ST7: variants seen among roughly 807,000 people sequenced by gnomAD.
ST7 encodes suppression of tumorigenicity 7.
In ST7, 28 loss-of-function variants were observed where a neutral mutation model predicts 78.7. The ratio of observed to expected loss-of-function variants is 0.36; its 90% CI spans 0.26 to 0.49. The LOEUF is 0.49. Ranked by LOEUF, ST7 falls within the 20% of genes least tolerant of loss-of-function variation. ST7 has a pLI of 0.99. For synonymous variants in ST7, 247 were observed against 249.6 expected, an observed-to-expected ratio of 0.99 and a Z score of 0.10; for missense variants, 418 against 696.0, an observed-to-expected ratio of 0.60 and a Z score of 4.49.
At chr7:117,020,977 T>A (rs927123866) in intron 1 of ST7, among the ~76,000 whole-genome samples, 26 of 152,174 alleles carry the variant, frequency 1.7e-4, no homozygotes, top group African/African-American at 5.8e-4. Flanking sequence ...ACTGGGAGGA[T>A]CTGAGATGAT....
intron 12 of ST7, among the ~76,000 whole-genome samples, chr7:117,206,958 T>G (rs1584603040): frequency 6.6e-6 from 1 of 152,172 alleles, no homozygotes; most frequent in African/African-American, 2.4e-5. Flanking sequence ...ATATGGCTAG[T>G]GAGATGGAGG....
At chr7:117,157,829 A>G (rs1046875856) in intron 9 of ST7, among the ~76,000 whole-genome samples, 1 of 152,182 alleles carries the variant, frequency 6.6e-6, no homozygotes, top group African/African-American at 2.4e-5. Context: ...CTTCCAAGCC[A>G]TTCAAAATAT....
At chr7:117,192,580 T>C (rs769351278) in intron 12 of ST7, among the ~76,000 whole-genome samples, 9 of 152,204 alleles carry the variant, frequency 5.9e-5, no homozygotes, top group Admixed American at 2.0e-4. Flanking sequence ...TCAACATTTT[T>C]TGATAATTAT....
intron 10 of ST7, among the ~76,000 whole-genome samples, chr7:117,175,236 C>A: frequency 6.6e-6 from 1 of 152,074 alleles, no homozygotes; most frequent in Non-Finnish European, 1.5e-5. Flanking sequence ...ATAAAGACAG[C>A]CATGTTTTCA....
At chr7:116,976,830 A>T (rs556239483) in intron 1 of ST7, among the ~76,000 whole-genome samples, 2 of 152,202 alleles carry the variant, frequency 1.3e-5, no homozygotes, top group Non-Finnish European at 2.9e-5. Context: ...CTGTTTCTCA[A>T]CATCTTCACT....
At chr7:116,960,280 C>T (rs534886943) in intron 1 of ST7, among the ~76,000 whole-genome samples, 4 of 152,138 alleles carry the variant, frequency 2.6e-5, no homozygotes, top group Admixed American at 6.5e-5. Context: ...ACCTCTGCCT[C>T]CTGGGTTCAG....
At chr7:117,090,425 T>C (rs1310690325) in intron 1 of ST7, among the ~76,000 whole-genome samples, 1 of 152,238 alleles carries the variant, frequency 6.6e-6, no homozygotes, top group Non-Finnish European at 1.5e-5. Flanking sequence ...TTATCAAACA[T>C]TGAGTACTGT....
At chr7:117,027,518 G>C (rs748344702) in intron 1 of ST7, among the ~76,000 whole-genome samples, 1 of 25,084 alleles carries the variant, frequency 4.0e-5, no homozygotes, top group Non-Finnish European at 1.2e-4. Context: ...AAAAAGTAAA[G>C]AGTAAAGTAA....
At chr7:117,013,955 A>G (rs1306529444) in intron 1 of ST7, among the ~76,000 whole-genome samples, 2 of 152,268 alleles carry the variant, frequency 1.3e-5, no homozygotes, top group Admixed American at 1.3e-4. Context: ...TGAAAATTCA[A>G]AATCACATTT....
intron 2 of ST7, among the ~76,000 whole-genome samples, chr7:117,106,710 T>C (rs1802001875): frequency 6.7e-6 from 1 of 149,420 alleles, no homozygotes. Context: ...AATCTCTGTC[T>C]CCCGGGTTCA....
intron 1 of ST7, chr7:116,966,021 A>G (rs781744875): frequency 9.1e-6 from 4 of 438,060 alleles, no homozygotes; most frequent in Non-Finnish European, 1.9e-5. Flanking sequence ...GTTCATGCCC[A>G]CCTGGCCATT....
intron 14 of ST7, among the ~76,000 whole-genome samples, chr7:117,221,088 C>A (rs1161207728): frequency 6.6e-6 from 1 of 152,148 alleles, no homozygotes; most frequent in African/African-American, 2.4e-5. Flanking sequence ...AGGCCCGCCC[C>A]ATCGACCCAG....
At chr7:117,179,350 G>A (rs1808573062) in intron 10 of ST7, among the ~76,000 whole-genome samples, 1 of 152,136 alleles carries the variant, frequency 6.6e-6, no homozygotes, top group Non-Finnish European at 1.5e-5. Flanking sequence ...GTTTTTTGTT[G>A]TGGGTGCAAG....
intron 1 of ST7, among the ~76,000 whole-genome samples, chr7:117,021,945 T>G (rs1374178978): frequency 6.6e-6 from 1 of 152,204 alleles, no homozygotes; most frequent in East Asian, 1.9e-4. Flanking sequence ...TCATGGAATT[T>G]TGTTTATGCA....
chr7:117,152,640 T>G (rs185528033), intron 9 of ST7, among the ~76,000 whole-genome samples: 6 of 152,278 alleles, frequency 3.9e-5, no homozygotes, highest in Admixed American at 3.9e-4. Context: ...GAGGAGTAGC[T>G]AGGTTTGTTC....
rs553646835 is a variant in ST7, at chr7:116,981,798, A to T, written c.151+28107A>T. Among the ~76,000 whole-genome samples, 72 of 152,348 alleles carry T rather than the reference A, an allele frequency of 4.7e-4. 1 individual carries two copies. The highest frequency in any genetic ancestry group is 1.6e-3 in the African/African-American group (65 of 41,572). ...TAAAAGTGTAGTAAATACATAAACC[A>T]GGAATATAGTCATTTATTATCCTTT... On this transcript the variant is annotated intron_variant, in intron 1 of 15. Transcript: ENST00000323984.
intron 12 of ST7, chr7:117,199,092 G>C (rs1326742950): frequency 6.6e-6 from 1 of 152,146 alleles, no homozygotes; most frequent in Non-Finnish European, 1.5e-5. Context: ...ACCAATTGGA[G>C]CTGGGCTGTT....
At chr7:117,111,282 C>T (rs1193819785) in intron 2 of ST7, among the ~76,000 whole-genome samples, 1 of 152,156 alleles carries the variant, frequency 6.6e-6, no homozygotes, top group African/African-American at 2.4e-5. Context: ...GAGATAATTA[C>T]CTAACTGCTC....
intron 12 of ST7, among the ~76,000 whole-genome samples, chr7:117,192,797 C>G (rs1272488411): frequency 2.0e-5 from 3 of 152,032 alleles, no homozygotes; most frequent in African/African-American, 4.8e-5. Flanking sequence ...TATTAAAAGC[C>G]CTAAGAAACA....
Sources: allele counts gnomAD v4.1 joint callset (sites outside exome capture counted in the v4.1 genomes callset), GRCh38; gene constraint gnomAD v4.1.1; transcripts MANE v1.5; gene names NCBI Gene and HGNC (gene_info 2026-07-23, HGNC 2026-07-21).